The following PEMT variants were observed in gnomAD, a reference collection of about 807,000 sequenced individuals.
PEMT encodes phospholipid methyltransferase.
PEMT carries 23 observed loss-of-function variants against 27.4 expected under a neutral mutation model. That is an observed-to-expected ratio of 0.84 (90% confidence interval 0.60 to 1.19). The LOEUF (loss-of-function observed/expected upper bound fraction) is 1.19. PEMT is among the 50% of genes most tolerant of loss of function. PEMT has a pLI of 0.00. For synonymous variants in PEMT, 137 were observed against 139.1 expected (o/e 0.98, Z 0.11); for missense variants, 307 against 310.1 (o/e 0.99, Z 0.07).
rs1377642630 is a variant in PEMT at position 17,512,225 on chromosome 17, G to A, written c.466+284C>T. Among the ~76,000 whole-genome samples the A allele has an allele frequency of 2.6e-5, 4 of 152,200 alleles. No homozygotes were observed. Among genetic ancestry groups the A allele is most frequent in the Non-Finnish European group, 4.4e-5 (3 of 68,022 alleles). Reference sequence around the variant, plus strand: ...CTGCACCCAGCCCGGGCCGCAGAACGGGCATTGAGTGCATCTTCATTAGCT... The same window carrying A: ...CTGCACCCAGCCCGGGCCGCAGAACAGGCATTGAGTGCATCTTCATTAGCT... On this transcript the variant is annotated intron_variant, in intron 4 of 6. Coordinates refer to ENST00000255389, the MANE Select transcript of PEMT (RefSeq NM_148172.3). The surrounding 1 kb of genome is among the most constrained non-coding windows in gnomAD (Gnocchi z 6.3).
chr17:17,557,479 G>A (rs1414464401), intron 2 of PEMT, among the ~76,000 whole-genome samples: 3 of 152,240 alleles, frequency 2.0e-5, no homozygotes, highest in Admixed American at 6.5e-5. Context: ...AGAAGCCCCC[G>A]CTGCCTCAGA....
chr17:17,555,663 T>A (rs1909998654), intron 2 of PEMT, among the ~76,000 whole-genome samples: 2 of 152,156 alleles, frequency 1.3e-5, no homozygotes, highest in Admixed American at 1.3e-4. Flanking sequence ...AAAGCCAATT[T>A]GGTCACATCG....
At chr17:17,540,251 G>A (rs1198831939) in intron 2 of PEMT, among the ~76,000 whole-genome samples, 2 of 152,164 alleles carry the variant, frequency 1.3e-5, no homozygotes, top group South Asian at 2.1e-4. Context: ...TCCCTCCCCC[G>A]ACAGAAGACC....
intron 1 of PEMT, among the ~76,000 whole-genome samples, chr17:17,585,480 G>A (rs1392403475): frequency 1.3e-5 from 2 of 152,188 alleles, no homozygotes; most frequent in East Asian, 1.9e-4. Flanking sequence ...CAAAGCAGTG[G>A]ACAAGAAGGC....
intron 1 of PEMT, among the ~76,000 whole-genome samples, chr17:17,586,291 A>AGAAAG (rs1219939322): frequency 1.2e-4 from 13 of 112,138 alleles, no homozygotes; most frequent in Non-Finnish European, 1.8e-4. Flanking sequence ...AAAGAAAGAA[A>AGAAAG]AAAAAAAACG....
chr17:17,522,229 C>T, intron 3 of PEMT, 51 bp downstream of exon 3: 7 of 1,332,234 alleles, frequency 5.3e-6, no homozygotes, highest in Middle Eastern at 3.7e-4. Context: ...CAGTAGCGGC[C>T]CTCCCGCTAG....
intron 2 of PEMT, among the ~76,000 whole-genome samples, chr17:17,555,777 T>C (rs1030847474): frequency 6.6e-6 from 1 of 152,098 alleles, no homozygotes; most frequent in African/African-American, 2.4e-5. Flanking sequence ...AAGCAAATGC[T>C]CGCCCTCTGG....
At chr17:17,575,072 C>T (rs774644165) in intron 2 of PEMT, among the ~76,000 whole-genome samples, 16 of 152,210 alleles carry the variant, frequency 1.1e-4, no homozygotes, top group Non-Finnish European at 2.4e-4. Flanking sequence ...CAGCAATCCC[C>T]AATCAGTTAC....
intron 4 of PEMT, among the ~76,000 whole-genome samples, chr17:17,511,794 C>T (rs888763845): frequency 1.3e-5 from 2 of 151,204 alleles, no homozygotes; most frequent in African/African-American, 2.4e-5. Flanking sequence ...TCTTGTCCCC[C>T]ACCCCTGCCC....
At chr17:17,508,385 C>G (rs1906072760) in intron 5 of PEMT, 2 of 189,698 alleles carry the variant, frequency 1.1e-5, no homozygotes, top group African/African-American at 4.8e-5. Flanking sequence ...TAGGGTGGGT[C>G]CCAGCCAGAC....
intron 1 of PEMT, among the ~76,000 whole-genome samples, chr17:17,591,008 CCCA>C (rs1912556306): frequency 6.6e-6 from 1 of 152,150 alleles, no homozygotes; most frequent in South Asian, 2.1e-4. Flanking sequence ...AGGCAGGGTC[CCCA>C]CCACTCTCTT....
chr17:17,510,293 G>A (rs2142506900), intron 4 of PEMT, among the ~76,000 whole-genome samples: 1 of 152,338 alleles, frequency 6.6e-6, no homozygotes, highest in East Asian at 1.9e-4. Context: ...CACAGTCACA[G>A]TGTCTGTCCC....
chr17:17,540,330 G>A (rs569498991), intron 2 of PEMT, among the ~76,000 whole-genome samples: 1 of 152,344 alleles, frequency 6.6e-6, no homozygotes, highest in Admixed American at 6.5e-5. Context: ...CTATCCCAGT[G>A]CCTCCTCTGC....
intron 2 of PEMT, among the ~76,000 whole-genome samples, chr17:17,533,577 T>A (rs1468828727): frequency 6.6e-6 from 1 of 152,112 alleles, no homozygotes; most frequent in Non-Finnish European, 1.5e-5. Flanking sequence ...GTAAATTATT[T>A]ATCTGATAAA....
At chr17:17,579,619 A>G (rs1911858512) in intron 1 of PEMT, among the ~76,000 whole-genome samples, 1 of 152,192 alleles carries the variant, frequency 6.6e-6, no homozygotes, top group Admixed American at 6.5e-5. Flanking sequence ...TGGGAGTTGC[A>G]GTGAGCCAAG....
chr17:17,573,092 G>A (rs988431371), intron 2 of PEMT, among the ~76,000 whole-genome samples: 1 of 152,230 alleles, frequency 6.6e-6, no homozygotes, highest in African/African-American at 2.4e-5. Context: ...AGGAGGCTGA[G>A]GCAGGAGAAC....
At chr17:17,539,471 T>G (rs774345584) in intron 2 of PEMT, among the ~76,000 whole-genome samples, 1 of 152,206 alleles carries the variant, frequency 6.6e-6, no homozygotes, top group Non-Finnish European at 1.5e-5. Flanking sequence ...CATCCTGCAC[T>G]TGGTATGATG....
chr17:17,552,461 C>T (rs1733349878), intron 2 of PEMT, among the ~76,000 whole-genome samples: 1 of 152,256 alleles, frequency 6.6e-6, no homozygotes, highest in Admixed American at 6.5e-5. Context: ...CACCGTCCCT[C>T]CCATCCCTGA....
Position 17,505,748 on chromosome 17 carries a change from C to G in PEMT, c.*43G>C. The G allele has an allele frequency of 6.3e-7, 1 of 1,581,242 alleles. No homozygotes were observed. ...CGCAGGGCCTGCCACTTGGGGCAGG[C>G]CAGGAGGCTGGCCAGGCCTTCAGCA... On this transcript the variant is annotated 3_prime_UTR_variant, in exon 7 of 7. Coordinates refer to ENST00000255389, the MANE Select transcript of PEMT (RefSeq NM_148172.3).
Sources: allele counts gnomAD v4.1 joint callset (sites outside exome capture counted in the v4.1 genomes callset), GRCh38; gene constraint gnomAD v4.1.1; non-coding constraint Gnocchi (gnomAD v3.1); transcripts MANE v1.5; gene names NCBI Gene and HGNC (gene_info 2026-07-23, HGNC 2026-07-21).